Variants in PALMD observed in about 807,000 individuals in gnomAD.
PALMD encodes paralemmin-like protein.
In PALMD, 42 loss-of-function variants were observed where a neutral mutation model predicts 56.2. That is an observed-to-expected ratio of 0.75 (90% CI 0.58 to 0.97). The LOEUF is 0.97. Ranked by LOEUF, PALMD falls within the 50% of genes least tolerant of loss-of-function variation. PALMD has a pLI of 0.00. For missense variants in PALMD, 660 were observed against 643.8 expected, an observed-to-expected ratio of 1.03 and a Z score of -0.27; for synonymous variants, 242 against 222.9, an observed-to-expected ratio of 1.09 and a Z score of -0.76.
intron 7 of PALMD, 109 bp from the exon 8 acceptor site, chr1:99,693,910 A>G (rs569216651): frequency 2.8e-6 from 2 of 722,510 alleles, no homozygotes; most frequent in African/African-American, 1.8e-5. Context: ...ACTGTTGGAT[A>G]AAACCATCTG....
intron 1 of PALMD, among the ~76,000 whole-genome samples, chr1:99,658,303 CAA>C (rs144642179): frequency 3.2e-4 from 34 of 105,198 alleles, no homozygotes; most frequent in Admixed American, 3.8e-4. Context: ...GACTCTGTCT[CAA>C]AAAAAAAAAA....
At chr1:99,654,853 T>C (rs1010655625) in intron 1 of PALMD, among the ~76,000 whole-genome samples, 1 of 152,154 alleles carries the variant, frequency 6.6e-6, no homozygotes, top group Non-Finnish European at 1.5e-5. Flanking sequence ...TGGTGGAGAA[T>C]GTGGATAAAT....
At chr1:99,666,616 G>A (rs1652968248) in intron 2 of PALMD, among the ~76,000 whole-genome samples, 1 of 152,042 alleles carries the variant, frequency 6.6e-6, no homozygotes, top group African/African-American at 2.4e-5. Context: ...TTTAAATATA[G>A]TGAATCCCCA....
At chr1:99,652,686 AAAG>A (rs761756123) in intron 1 of PALMD, among the ~76,000 whole-genome samples, 2,339 of 100,082 alleles carry the variant, frequency 0.023, 47 homozygotes, top group Admixed American at 0.076. Context: ...AAAGGAAAGG[AAAG>A]GAAAGGAAAA....
intron 3 of PALMD, 143 bp from the exon 4 acceptor site, chr1:99,686,533 C>T: frequency 7.4e-6 from 4 of 538,380 alleles, no homozygotes; most frequent in Non-Finnish European, 1.3e-5. Context: ...TAGTGTGATG[C>T]TAAGTGTGAC....
intron 1 of PALMD, among the ~76,000 whole-genome samples, chr1:99,653,731 G>A (rs1026033169): frequency 3.9e-5 from 6 of 151,972 alleles, no homozygotes; most frequent in South Asian, 2.1e-4. Context: ...CACATGGATC[G>A]ACACCCCCCA....
At chr1:99,661,197 T>C (rs1279922447) in intron 1 of PALMD, among the ~76,000 whole-genome samples, 1 of 152,210 alleles carries the variant, frequency 6.6e-6, no homozygotes, top group Non-Finnish European at 1.5e-5. Context: ...TGGGAGTTTT[T>C]AATTTTGAAA....
intron 1 of PALMD, among the ~76,000 whole-genome samples, chr1:99,647,866 C>T (rs1308978506): frequency 1.3e-5 from 2 of 152,208 alleles, no homozygotes; most frequent in Non-Finnish European, 2.9e-5. Context: ...AGCCCTTTTT[C>T]CCTCCAGTGT....
intron 3 of PALMD, among the ~76,000 whole-genome samples, chr1:99,676,796 A>G (rs941528627): frequency 6.6e-6 from 1 of 152,164 alleles, no homozygotes; most frequent in African/African-American, 2.4e-5. Context: ...AAAAAGAAAA[A>G]AAAAGCTCAC....
intron 1 of PALMD, among the ~76,000 whole-genome samples, chr1:99,646,571 C>CA (rs1458127436): frequency 6.6e-6 from 1 of 152,200 alleles, no homozygotes; most frequent in Non-Finnish European, 1.5e-5. Flanking sequence ...TCTTGATTTT[C>CA]AAAAAGGCTG....
chr1:99,694,376 T>A lies in PALMD; in HGVS notation c.*314T>A, dbSNP rs139409840. ...TTAAGAATAAAGTTATTTAAAATAT[T>A]CTGAGTATAGTATATTAACTGGCAT... On this transcript the variant is annotated 3_prime_UTR_variant, in exon 8 of 8. Coordinates refer to ENST00000263174, the MANE Select transcript of PALMD (RefSeq NM_017734.5). 8.9e-4 allele frequency: 195 copies of A among 220,000 alleles called. No homozygotes were observed. Among genetic ancestry groups the A allele is most frequent in the African/African-American group, 4.3e-3 (188 of 43,252 alleles). The allele number at this position is 220,000 out of a possible 1,614,324, so 13.6% of individuals were successfully genotyped here.
chr1:99,686,800 A>G lies in PALMD; in HGVS notation c.366+10A>G, dbSNP rs768901244. 1 of 1,460,090 alleles carries G rather than the reference A, an allele frequency of 6.8e-7. No homozygotes were observed. Among genetic ancestry groups the G allele is most frequent in the Non-Finnish European group, 9.5e-7 (1 of 1,049,836 alleles). 90.4% of individuals were successfully genotyped at this position (1,460,090 alleles called of 1,614,324 possible). On this transcript the variant is annotated intron_variant, in intron 4 of 7. Transcript: ENST00000263174. ...AGAAGACATTATAAGAGTGAGCATT[A>G]ACCAATTTTAAAACTGTAATTCTCT...
intron 1 of PALMD, among the ~76,000 whole-genome samples, chr1:99,647,320 G>C (rs1453573503): frequency 4.6e-5 from 7 of 152,144 alleles, no homozygotes; most frequent in Non-Finnish European, 1.0e-4. Context: ...TGCTAGATCA[G>C]GGATTTTTTG....
intron 2 of PALMD, among the ~76,000 whole-genome samples, chr1:99,665,217 C>T (rs150715557): frequency 1.6e-4 from 25 of 152,234 alleles, no homozygotes; most frequent in Non-Finnish European, 2.9e-4. Flanking sequence ...CTCAGGAAAA[C>T]CTTTTCCTAA....
chr1:99,667,177 C>T (rs1403617618), intron 2 of PALMD, among the ~76,000 whole-genome samples: 2 of 152,166 alleles, frequency 1.3e-5, no homozygotes, highest in Non-Finnish European at 1.5e-5. Flanking sequence ...GCAGTCATTG[C>T]ATGCTCTCAC....
intron 3 of PALMD, among the ~76,000 whole-genome samples, chr1:99,683,046 AAGAAAGAAAGAGAGAGAGAGAG>A (rs1557673786): frequency 0.13 from 2,402 of 19,150 alleles, 497 homozygotes; most frequent in African/African-American, 0.39. Flanking sequence ...GAAAGAAAGA[AAGAAAGAAAGAGAGAGAGAGAG>A]AGAGAGAGAG....
chr1:99,673,928 G>A (rs903607809), intron 3 of PALMD, among the ~76,000 whole-genome samples: 2 of 152,084 alleles, frequency 1.3e-5, no homozygotes, highest in Non-Finnish European at 2.9e-5. Flanking sequence ...CTTTCTAAGA[G>A]GACCAGCTAA....
intron 1 of PALMD, among the ~76,000 whole-genome samples, chr1:99,655,797 G>A (rs1385454998): frequency 6.6e-6 from 1 of 152,138 alleles, no homozygotes; most frequent in African/African-American, 2.4e-5. Flanking sequence ...TGAGGATCAA[G>A]ATTATTCTCC....
At chr1:99,664,679 T>G (rs1182212065) in intron 2 of PALMD, among the ~76,000 whole-genome samples, 4 of 152,190 alleles carry the variant, frequency 2.6e-5, no homozygotes, top group Non-Finnish European at 5.9e-5. Context: ...TGTGCAAAAG[T>G]ATTTTTTAAA....
Sources: allele counts gnomAD v4.1 joint callset (sites outside exome capture counted in the v4.1 genomes callset), GRCh38; gene constraint gnomAD v4.1.1; transcripts MANE v1.5; gene names NCBI Gene and HGNC (gene_info 2026-07-23, HGNC 2026-07-21).